PDXDC1: variants seen among roughly 807,000 people sequenced by gnomAD.
The protein encoded by PDXDC1 is pyridoxal-dependent decarboxylase domain-containing protein 1.
PDXDC1 carries 42 observed loss-of-function variants against 100.1 expected under a neutral mutation model. That is an observed-to-expected ratio of 0.42 (90% CI 0.33 to 0.54). PDXDC1 has a LOEUF of 0.54. Ranked by LOEUF, PDXDC1 falls within the 20% of genes least tolerant of loss-of-function variation. PDXDC1 has a pLI of 0.10. For synonymous variants in PDXDC1, 260 were observed against 371.7 expected (o/e 0.70, Z 3.46); for missense variants, 636 against 979.2 (o/e 0.65, Z 4.68).
At chr16:15,052,865 T>C (rs1286629113) in intron 16 of PDXDC1, among the ~76,000 whole-genome samples, 1 of 151,992 alleles carries the variant, frequency 6.6e-6, no homozygotes, top group Non-Finnish European at 1.5e-5. Flanking sequence ...AAGCAGGAAC[T>C]AAGCTACGCT....
At chr16:15,027,395 T>TA (rs1368065690) in intron 14 of PDXDC1, among the ~76,000 whole-genome samples, 23 of 152,400 alleles carry the variant, frequency 1.5e-4, no homozygotes, top group Admixed American at 7.8e-4. Flanking sequence ...GGGCATGTGT[T>TA]ACAGTGTGCT....
intron 16 of PDXDC1, chr16:15,135,750 G>A (rs1718573352): frequency 1.3e-6 from 2 of 1,596,512 alleles, no homozygotes; most frequent in South Asian, 1.1e-5. Context: ...ACCAGGTCCT[G>A]TGTGTCTGAC....
chr16:15,004,110 T>G (rs1165612792), intron 4 of PDXDC1, 77 bp from the exon 5 acceptor site: 2 of 1,336,836 alleles, frequency 1.5e-6, no homozygotes, highest in Non-Finnish European at 2.1e-6. Flanking sequence ...TGACAGATAT[T>G]TCTGTGGAAT....
chr16:15,073,030 T>G (rs752435213), intron 16 of PDXDC1: 37 of 1,613,174 alleles, frequency 2.3e-5, no homozygotes, highest in Admixed American at 8.4e-5. Context: ...TTGTCAAAGA[T>G]GTTTATCAGG....
intron 8 of PDXDC1, among the ~76,000 whole-genome samples, chr16:15,013,874 CAAAA>C (rs58185654): frequency 3.2e-3 from 429 of 135,928 alleles, no homozygotes; most frequent in Non-Finnish European, 3.9e-3. Context: ...GTCTCTGTCT[CAAAA>C]AAAAAAAAAA....
intron 16 of PDXDC1, among the ~76,000 whole-genome samples, chr16:15,124,679 G>A (rs1212816155): frequency 6.6e-6 from 1 of 151,702 alleles, no homozygotes; most frequent in Non-Finnish European, 1.5e-5. Context: ...GGCTGAGGCA[G>A]GAGAACAGTT....
At chr16:14,978,625 G>A (rs541427538) in intron 1 of PDXDC1, among the ~76,000 whole-genome samples, 283 of 152,294 alleles carry the variant, frequency 1.9e-3, no homozygotes, top group African/African-American at 6.3e-3. Flanking sequence ...AACCTCCTGG[G>A]CTGAAGCCAT....
Position 15,128,162 on chromosome 16 carries a change from G to C in PDXDC1, c.1400-10717G>C, listed in dbSNP as rs755611685. On this transcript the variant is annotated intron_variant, in intron 16 of 16. Coordinates refer to the PDXDC1 transcript ENST00000535621. Reference sequence around the variant, plus strand: ...TGCAGAGGCGCGGGAGGGAGGTCAGGCTCGCAGGGCGCCCCAACGCGGGGG... The same window carrying C: ...TGCAGAGGCGCGGGAGGGAGGTCAGCCTCGCAGGGCGCCCCAACGCGGGGG... The C allele has an allele frequency of 3.7e-6, 6 of 1,610,096 alleles. No homozygotes were observed. In the Admixed American group the frequency reaches 1.0e-4, roughly 27 times the overall value.
At chr16:15,047,441 C>T in intron 16 of PDXDC1, 1 of 1,579,480 alleles carries the variant, frequency 6.3e-7, no homozygotes, top group South Asian at 1.1e-5. Flanking sequence ...GTAGATCTCA[C>T]CTTCCACATT....
intron 1 of PDXDC1, among the ~76,000 whole-genome samples, chr16:14,979,329 G>A (rs1160803439): frequency 6.6e-6 from 1 of 152,216 alleles, no homozygotes; most frequent in African/African-American, 2.4e-5. Context: ...TCCCTCTGAC[G>A]CCCAGGCTAG....
intron 16 of PDXDC1, among the ~76,000 whole-genome samples, chr16:15,048,760 A>G (rs776006322): frequency 1.3e-5 from 2 of 152,140 alleles, no homozygotes; most frequent in Non-Finnish European, 2.9e-5. Context: ...AATAGCTGGG[A>G]CTACAGGCTT....
At chr16:15,072,245 C>CAAAAAA (rs55852324) in intron 16 of PDXDC1, among the ~76,000 whole-genome samples, 2 of 133,468 alleles carry the variant, frequency 1.5e-5, no homozygotes, top group Non-Finnish European at 1.6e-5. Flanking sequence ...TTTCCCCCAC[C>CAAAAAA]AAAAAAAAAA....
At chr16:15,122,279 C>A (rs1042240941) in intron 16 of PDXDC1, among the ~76,000 whole-genome samples, 1 of 149,508 alleles carries the variant, frequency 6.7e-6, no homozygotes, top group Non-Finnish European at 1.5e-5. Flanking sequence ...GGGGCCATCT[C>A]GGCTCACTGC....
intron 16 of PDXDC1, chr16:15,131,324 C>T (rs773824014): frequency 2.6e-6 from 4 of 1,565,494 alleles, no homozygotes; most frequent in Non-Finnish European, 2.6e-6. Context: ...GCCATCGAGG[C>T]CACCTTGGTG....
chr16:15,007,503 C>T (rs1341687650), intron 6 of PDXDC1, among the ~76,000 whole-genome samples: 2 of 152,260 alleles, frequency 1.3e-5, no homozygotes, highest in East Asian at 1.9e-4. Context: ...GTTCATGGTG[C>T]TTCTAGCCCA....
intron 1 of PDXDC1, chr16:14,975,458 G>T: frequency 1.0e-6 from 1 of 985,212 alleles, no homozygotes; most frequent in Non-Finnish European, 1.2e-6. Context: ...TGGGGGCCGC[G>T]ACGGGCCCGG....
At chr16:15,108,361 C>G (rs1453170405) in intron 16 of PDXDC1, 1 of 317,314 alleles carries the variant, frequency 3.2e-6, no homozygotes, top group Non-Finnish European at 4.5e-6. Flanking sequence ...AGTTAATGAA[C>G]TTGTTTCTGA....
At chr16:15,127,478 G>T (rs1304185122) in intron 16 of PDXDC1, 2 of 1,567,034 alleles carry the variant, frequency 1.3e-6, no homozygotes, top group East Asian at 2.3e-5. Flanking sequence ...ACCTTGCTCC[G>T]GGACATCCAG....
At chr16:15,079,174 T>G (rs1597950074) in intron 16 of PDXDC1, among the ~76,000 whole-genome samples, 2 of 138,868 alleles carry the variant, frequency 1.4e-5, no homozygotes, top group South Asian at 2.4e-4. Context: ...GGGAGCAAAG[T>G]TGAAGGATTC....
Sources: allele counts gnomAD v4.1 joint callset (sites outside exome capture counted in the v4.1 genomes callset), GRCh38; gene constraint gnomAD v4.1.1; transcripts MANE v1.5; gene names NCBI Gene and HGNC (gene_info 2026-07-23, HGNC 2026-07-21).